LAIR2: variants seen among roughly 807,000 people sequenced by gnomAD.
LAIR2 encodes leukocyte associated immunoglobulin like receptor 2.
Under a neutral mutation model 14.8 loss-of-function variants are expected in LAIR2, and 14 were observed. The observed-to-expected ratio is 0.95, with a 90% CI of 0.62 to 1.48. The LOEUF (loss-of-function observed/expected upper bound fraction) is 1.48. Among genes scored for constraint, LAIR2 ranks in the 40% most tolerant of loss-of-function variants. The pLI is 0.00. For missense variants in LAIR2, 172 were observed against 180.9 expected (o/e 0.95, Z 0.28); for synonymous variants, 75 against 74.5 (o/e 1.01, Z -0.03).
At chr19:54,503,459 C>CAAA (rs2085311229) in intron 1 of LAIR2, among the ~76,000 whole-genome samples, 1 of 18,940 alleles carries the variant, frequency 5.3e-5, no homozygotes, top group Admixed American at 4.8e-4. Flanking sequence ...ACTCCGTCTC[C>CAAA]AACAACACCA....
At chr19:54,507,766 C>T in intron 2 of LAIR2, 125 bp from the exon 3 acceptor site, 1 of 863,360 alleles carries the variant, frequency 1.2e-6, no homozygotes, top group Non-Finnish European at 1.9e-6. Flanking sequence ...TAAGGTTGGG[C>T]TGTGGTCGTG....
chr19:54,504,567 A>G (rs1182315145), intron 2 of LAIR2, among the ~76,000 whole-genome samples: 1 of 152,084 alleles, frequency 6.6e-6, no homozygotes, highest in Non-Finnish European at 1.5e-5. Context: ...TCCCGACTTT[A>G]ATAGCATCAT....
At position 54,508,591 on chromosome 19, in the gene LAIR2, G is replaced by C. The variant is rs1197090696; in HGVS notation, c.364+407G>C. Among the ~76,000 whole-genome samples the C allele has an allele frequency of 2.6e-5, 4 of 152,376 alleles. No homozygotes were observed. In the East Asian group the frequency reaches 7.7e-4, roughly 29 times the overall value. On this transcript the variant is annotated intron_variant, in intron 3 of 4. Coordinates refer to ENST00000301202, the MANE Select transcript of LAIR2 (RefSeq NM_002288.6). The stretch of plus-strand genomic sequence containing the variant: ...AGCCAGAACCTGCCCCAGGCAATGT[G>C]CTTCTCCTGGTGTGGTTCATCTCCC...
intron 2 of LAIR2, among the ~76,000 whole-genome samples, chr19:54,505,401 CTCTT>C (rs2085347226): frequency 6.6e-6 from 1 of 152,064 alleles, no homozygotes; most frequent in African/African-American, 2.4e-5. Flanking sequence ...CTTTCCCTCT[CTCTT>C]CATCGACTTT....
At chr19:54,510,386 G>T in intron 4 of LAIR2, 140 bp from the exon 5 acceptor site, 1 of 610,118 alleles carries the variant, frequency 1.6e-6, no homozygotes, top group Non-Finnish European at 2.8e-6. Flanking sequence ...TGAAACAGAG[G>T]CAATAGAAGA....
At chr19:54,509,866 A>C (rs1386280852) in intron 4 of LAIR2, among the ~76,000 whole-genome samples, 1,914 of 148,854 alleles carry the variant, frequency 0.013, no homozygotes, top group African/African-American at 0.046. Context: ...GTGACCAGAA[A>C]CTGCCAGGGG....
Position 54,510,631 on chromosome 19 carries a change from A to G in LAIR2, c.*62A>G. The G allele has an allele frequency of 6.3e-7, 1 of 1,587,006 alleles. No homozygotes were observed. Among genetic ancestry groups the G allele is most frequent in the South Asian group, 1.1e-5 (1 of 90,474 alleles). On this transcript the variant is annotated 3_prime_UTR_variant, in exon 5 of 5. Transcript: ENST00000301202. ...TGGGGAGAAATAATTAGAATGAGCA[A>G]TAGAAATGCACAGATGCCTATACAT...
chr19:54,502,859 G>A lies in LAIR2; in HGVS notation c.-60G>A. On this transcript the variant is annotated 5_prime_UTR_variant, in exon 1 of 5. Transcript: ENST00000301202. ...TGCTGTGGAAGCCCCACGGGCAGGA[G>A]GCCCCCGGCCAGCACATCCTGTCTG... is the stretch of plus-strand genomic sequence containing the variant. 6.2e-7 allele frequency: 1 copy of A among 1,608,554 alleles called. No individual in the cohort carries two copies. The highest frequency in any genetic ancestry group is 1.1e-5 in the South Asian group (1 of 90,958).
chr19:54,508,377 G>A (rs1302937987), intron 3 of LAIR2, among the ~76,000 whole-genome samples, 193 bp downstream of exon 3: 1 of 152,084 alleles, frequency 6.6e-6, no homozygotes, highest in Non-Finnish European at 1.5e-5. Flanking sequence ...TAGGTCCCTG[G>A]AGCCCTGATC....
chr19:54,505,802 T>G (rs376091126), intron 2 of LAIR2, among the ~76,000 whole-genome samples: 4 of 151,548 alleles, frequency 2.6e-5, no homozygotes, highest in African/African-American at 7.3e-5. Flanking sequence ...CTCAACATGG[T>G]GGTTCTTCTC....
At chr19:54,503,954 A>G (rs956171763) in intron 2 of LAIR2, among the ~76,000 whole-genome samples, 3 of 151,462 alleles carry the variant, frequency 2.0e-5, no homozygotes, top group African/African-American at 7.3e-5. Flanking sequence ...AAAATCCTAT[A>G]TTTTATTTTA....
chr19:54,505,789 C>A (rs2123392834), intron 2 of LAIR2, among the ~76,000 whole-genome samples: 1 of 151,876 alleles, frequency 6.6e-6, no homozygotes, highest in South Asian at 2.1e-4. Context: ...ACTCCATATG[C>A]CGCTCAACAT....
chr19:54,506,656 C>T (rs2085369553), intron 2 of LAIR2, among the ~76,000 whole-genome samples: 1 of 152,220 alleles, frequency 6.6e-6, no homozygotes, highest in Non-Finnish European at 1.5e-5. Flanking sequence ...TTCTAGACGT[C>T]CACCTCCAAA....
intron 4 of LAIR2, among the ~76,000 whole-genome samples, chr19:54,510,200 TCTC>T (rs759283150): frequency 4.2e-5 from 6 of 143,560 alleles, no homozygotes; most frequent in Non-Finnish European, 9.0e-5. Flanking sequence ...CCTCTCTTCT[TCTC>T]CTTCCTTCTC....
chr19:54,504,321 G>A (rs1291701835), intron 2 of LAIR2, among the ~76,000 whole-genome samples: 1 of 152,120 alleles, frequency 6.6e-6, no homozygotes, highest in Non-Finnish European at 1.5e-5. Flanking sequence ...ACGATGTGAT[G>A]TTACAACGTA....
chr19:54,506,915 G>A (rs2085374111), intron 2 of LAIR2, among the ~76,000 whole-genome samples: 1 of 152,040 alleles, frequency 6.6e-6, no homozygotes, highest in Non-Finnish European at 1.5e-5. Flanking sequence ...CGCTAAGAGG[G>A]CAGATTTTAA....
At chr19:54,503,227 G>A (rs1167062447) in intron 1 of LAIR2, among the ~76,000 whole-genome samples, 6 of 152,202 alleles carry the variant, frequency 3.9e-5, no homozygotes, top group Admixed American at 3.9e-4. Context: ...TTGGGAGGCT[G>A]AGGCAGGTGG....
intron 2 of LAIR2, among the ~76,000 whole-genome samples, chr19:54,504,649 A>G (rs2085331664): frequency 2.0e-5 from 3 of 152,034 alleles, no homozygotes; most frequent in Admixed American, 6.6e-5. Flanking sequence ...TCACTCTGTC[A>G]CCCAGGCTGG....
At chr19:54,508,498 C>A (rs2085410577) in intron 3 of LAIR2, among the ~76,000 whole-genome samples, 1 of 151,084 alleles carries the variant, frequency 6.6e-6, no homozygotes, top group Non-Finnish European at 1.5e-5. Flanking sequence ...AGGGGGCAAC[C>A]CCCCTACAAG....
Sources: allele counts gnomAD v4.1 joint callset (sites outside exome capture counted in the v4.1 genomes callset), GRCh38; gene constraint gnomAD v4.1.1; transcripts MANE v1.5; gene names NCBI Gene and HGNC (gene_info 2026-07-23, HGNC 2026-07-21).